DNAJC6: variants seen among roughly 807,000 people sequenced by gnomAD.
The protein encoded by DNAJC6 is auxilin.
Under a neutral mutation model 110.0 loss-of-function variants are expected in DNAJC6, and 34 were observed. That is an observed-to-expected ratio of 0.31 (90% CI 0.24 to 0.41). The LOEUF (loss-of-function observed/expected upper bound fraction) is 0.41. Among genes scored for constraint, DNAJC6 ranks in the 10% least tolerant of loss-of-function variants. The probability of loss-of-function intolerance (pLI) is 1.00; values close to 1 mark genes in which losing one functional copy is unlikely to be tolerated. For synonymous variants in DNAJC6, 406 were observed against 437.2 expected, an observed-to-expected ratio of 0.93 and a Z score of 0.89; for missense variants, 1,031 against 1,207.8, an observed-to-expected ratio of 0.85 and a Z score of 2.17.
rs1440371431 is a variant in DNAJC6, at chr1:65,413,039, C to T, written c.*14C>T. On this transcript the variant is annotated 3_prime_UTR_variant, in exon 19 of 19. Coordinates refer to ENST00000371069, the MANE Select transcript of DNAJC6 (RefSeq NM_001256864.2). ...CCCTTATATTAATTTATGAGCTTTT[C>T]CATCTCTGCTGCAGACCTGTGCTAA... 5 of 1,608,388 alleles carry T rather than the reference C, an allele frequency of 3.1e-6. No individual in the cohort carries two copies. The highest frequency in any genetic ancestry group is 1.7e-5 in the Admixed American group (1 of 59,888).
intron 4 of DNAJC6, among the ~76,000 whole-genome samples, chr1:65,370,137 C>T (rs576245026): frequency 2.5e-4 from 38 of 152,182 alleles, no homozygotes; most frequent in African/African-American, 8.9e-4. Context: ...TGGAGACCAA[C>T]AAGATGCATC....
At chr1:65,297,362 A>G (rs570002930) in intron 1 of DNAJC6, among the ~76,000 whole-genome samples, 1 of 152,204 alleles carries the variant, frequency 6.6e-6, no homozygotes, top group Non-Finnish European at 1.5e-5. Flanking sequence ...TTAGATCTGC[A>G]TTTTAGAAAG....
rs183041260 is a variant in DNAJC6, at chr1:65,386,165, G to T, written c.995+259G>T. Among the ~76,000 whole-genome samples, 662 of 152,304 alleles carry T rather than the reference G, an allele frequency of 4.3e-3. 3 individuals are homozygous for T. The highest frequency in any genetic ancestry group is 7.4e-3 in the Non-Finnish European group (500 of 68,022). ...ACAGGATTAAGACCAAGGGGAACAT[G>T]GGACACCTGGTCATTGAAGAAGGAG... On this transcript the variant is annotated intron_variant, in intron 7 of 18. Coordinates refer to ENST00000371069, the MANE Select transcript of DNAJC6 (RefSeq NM_001256864.2).
At chr1:65,352,298 T>C (rs1274447642) in intron 1 of DNAJC6, among the ~76,000 whole-genome samples, 1 of 152,308 alleles carries the variant, frequency 6.6e-6, no homozygotes, top group East Asian at 1.9e-4. Context: ...CTGACTGTTA[T>C]GTTCCTGACT....
chr1:65,278,943 C>G, intron 1 of DNAJC6: 5 of 984,608 alleles, frequency 5.1e-6, no homozygotes, highest in Non-Finnish European at 6.0e-6. Flanking sequence ...CGAGTCAGCA[C>G]TTCACTCCCT....
upstream of DNAJC6, among the ~76,000 whole-genome samples, chr1:65,306,270 A>G (rs373205371): frequency 1.8e-3 from 274 of 152,050 alleles, no homozygotes; most frequent in African/African-American, 6.3e-3. Flanking sequence ...GATGGTCTCA[A>G]TCTCCTGACC....
chr1:65,380,889 A>AGTTTTTTTTGTTTT, intron 5 of DNAJC6, among the ~76,000 whole-genome samples: 1 of 122,792 alleles, frequency 8.1e-6, no homozygotes, highest in African/African-American at 3.9e-5. Context: ...TGGGGGAGGG[A>AGTTTTTTTTGTTTT]GTTTTTTTTT....
intron 1 of DNAJC6, among the ~76,000 whole-genome samples, chr1:65,356,481 T>C (rs2101534265): frequency 6.6e-6 from 1 of 151,904 alleles, no homozygotes; most frequent in East Asian, 1.9e-4. Context: ...GGAGACTCAC[T>C]TGAGCCCAGG....
chr1:65,338,619 GC>G (rs1645359895), intron 1 of DNAJC6, among the ~76,000 whole-genome samples: 1 of 152,068 alleles, frequency 6.6e-6, no homozygotes, highest in African/African-American at 2.4e-5. Flanking sequence ...TTCTGTCCCT[GC>G]CCCCTCTACC....
Position 65,388,485 on chromosome 1 carries a change from C to T in DNAJC6, c.1193+70C>T, listed in dbSNP as rs1481063292. ...GTGAAGTGCTGAGGCTCAATGGCAC[C>T]AGGCTGTAGCATACCCTGGAATCCT... On this transcript the variant is annotated intron_variant, in intron 9 of 18. Coordinates refer to ENST00000371069, the MANE Select transcript of DNAJC6 (RefSeq NM_001256864.2). The T allele has an allele frequency of 7.3e-6, 10 of 1,373,384 alleles. No individual in the cohort carries two copies. The African/African-American group carries it at 1.1e-4, about 16-fold the overall frequency. The allele number at this position is 1,373,384 out of a possible 1,614,324, so 85.1% of individuals were successfully genotyped here. A position where few individuals can be genotyped will look rare whatever the true frequency, so the allele number is the denominator to read the frequency against.
intron 18 of DNAJC6, among the ~76,000 whole-genome samples, chr1:65,411,733 G>T (rs1037713627): frequency 9.9e-5 from 15 of 152,002 alleles, no homozygotes; most frequent in African/African-American, 3.4e-4. Flanking sequence ...CTTTGGGGGG[G>T]GCAGGGTAGG....
At chr1:65,391,750 A>G (rs1645928821) in intron 11 of DNAJC6, among the ~76,000 whole-genome samples, 1 of 152,116 alleles carries the variant, frequency 6.6e-6, no homozygotes, top group Admixed American at 6.5e-5. Context: ...ATATCATCTC[A>G]TGTATTTCTC....
At chr1:65,277,628 G>A (rs1311847751) in intron 1 of DNAJC6, among the ~76,000 whole-genome samples, 2 of 151,996 alleles carry the variant, frequency 1.3e-5, no homozygotes, top group African/African-American at 4.8e-5. Context: ...GTTTTCAAAG[G>A]GGGACTTGAC....
intron 4 of DNAJC6, among the ~76,000 whole-genome samples, chr1:65,377,843 C>T (rs939476807): frequency 1.3e-5 from 2 of 152,150 alleles, no homozygotes; most frequent in Non-Finnish European, 2.9e-5. Flanking sequence ...AGAAGGAATT[C>T]GAGACATTTG....
chr1:65,383,113 G>C (rs1451271359), intron 5 of DNAJC6, among the ~76,000 whole-genome samples: 1 of 152,140 alleles, frequency 6.6e-6, no homozygotes, highest in Non-Finnish European at 1.5e-5. Flanking sequence ...CTGTAAACTG[G>C]AATGGGCTAC....
intron 13 of DNAJC6, among the ~76,000 whole-genome samples, chr1:65,395,578 C>T (rs1489596248): frequency 6.6e-6 from 1 of 152,020 alleles, no homozygotes; most frequent in African/African-American, 2.4e-5. Flanking sequence ...AAAATACATA[C>T]CAGATTTCAA....
intron 1 of DNAJC6, among the ~76,000 whole-genome samples, chr1:65,265,838 TG>T (rs1454508463): frequency 7.0e-4 from 106 of 152,144 alleles, no homozygotes; most frequent in Non-Finnish European, 1.2e-3. Flanking sequence ...CGGAGTCGCG[TG>T]CCCGTCCGGG....
At chr1:65,285,951 A>G (rs951630668) in intron 1 of DNAJC6, among the ~76,000 whole-genome samples, 70 of 152,310 alleles carry the variant, frequency 4.6e-4, no homozygotes, top group African/African-American at 1.5e-3. Context: ...GATTAAAGGC[A>G]TGAGCCACCA....
chr1:65,339,459 A>G, intron 1 of DNAJC6, among the ~76,000 whole-genome samples: 1 of 152,218 alleles, frequency 6.6e-6, no homozygotes, highest in East Asian at 1.9e-4. Context: ...CAAGATAGTA[A>G]TGGCGTGTAC....
Sources: allele counts gnomAD v4.1 joint callset (sites outside exome capture counted in the v4.1 genomes callset), GRCh38; gene constraint gnomAD v4.1.1; transcripts MANE v1.5; gene names NCBI Gene and HGNC (gene_info 2026-07-23, HGNC 2026-07-21).